Variants in TCF3 observed in about 807,000 individuals in gnomAD.
TCF3 encodes the protein transcription factor E2-alpha.
In TCF3, 54 loss-of-function variants were observed where a neutral mutation model predicts 72.3. That is an observed-to-expected ratio of 0.75 (90% confidence interval 0.60 to 0.94). The LOEUF (loss-of-function observed/expected upper bound fraction) is 0.94. Among genes scored for constraint, TCF3 ranks in the 40% least tolerant of loss-of-function variants. The pLI is 0.00. For missense variants in TCF3, 1,078 were observed against 934.4 expected, an observed-to-expected ratio of 1.15 and a Z score of -2.00; for synonymous variants, 525 against 412.6, an observed-to-expected ratio of 1.27 and a Z score of -3.30.
Position 1,615,204 on chromosome 19 carries a change from C to A in TCF3, c.1822+81G>T, listed in dbSNP as rs903018634. Reference sequence around the variant, plus strand: ...AGAGGGAGGGCTGGCTCCAGGAAGGCGGGCGGGGAAGGAGAACGAGGGCAG... The same window carrying A: ...AGAGGGAGGGCTGGCTCCAGGAAGGAGGGCGGGGAAGGAGAACGAGGGCAG... On this transcript the variant is annotated intron_variant, in intron 18 of 18. Transcript: ENST00000262965. This position sits in a 1 kb window ranked among gnomAD's most constrained non-coding sequence, Gnocchi z 7.3. 4 of 1,477,170 alleles carry A rather than the reference C, an allele frequency of 2.7e-6. No homozygotes were observed. The African/African-American group carries it at 4.2e-5, about 16-fold the overall frequency. 91.5% of individuals were successfully genotyped at this position (1,477,170 alleles called of 1,614,324 possible).
intron 14 of TCF3, 84 bp from the exon 15 acceptor site, chr19:1,619,558 G>A (rs897986110): frequency 2.0e-6 from 3 of 1,486,490 alleles, no homozygotes; most frequent in African/African-American, 2.8e-5. Context: ...GCATGCAAGT[G>A]GCCGGTGGTC....
intron 6 of TCF3, among the ~76,000 whole-genome samples, chr19:1,626,364 C>A (rs373127491): frequency 6.6e-6 from 1 of 152,046 alleles, no homozygotes; most frequent in Non-Finnish European, 1.5e-5. Context: ...GCAGGAGAAT[C>A]GCTTGAACCC....
At chr19:1,633,095 G>A (rs544843398) in intron 3 of TCF3, among the ~76,000 whole-genome samples, 129 of 152,218 alleles carry the variant, frequency 8.5e-4, no homozygotes, top group Middle Eastern at 6.8e-3. Context: ...GTCCCGGGGC[G>A]GGGCGGGCGG....
chr19:1,632,311 A>G (rs1385857905), intron 4 of TCF3, 21 bp downstream of exon 4: 1 of 1,571,782 alleles, frequency 6.4e-7, no homozygotes, highest in Admixed American at 1.9e-5. Flanking sequence ...TCAGGGTCTC[A>G]GGCCTCACGG....
At chr19:1,629,294 G>A (rs2063394822) in intron 5 of TCF3, among the ~76,000 whole-genome samples, 1 of 151,454 alleles carries the variant, frequency 6.6e-6, no homozygotes, top group African/African-American at 2.5e-5. Flanking sequence ...GGAGCCCCGG[G>A]GCCTGTGCAC....
In TCF3 at chr19:1,641,309, C is replaced by A. The variant is rs140610608; in HGVS notation, c.145+5046G>T. Among the ~76,000 whole-genome samples the A allele has an allele frequency of 4.7e-3, 719 of 152,072 alleles. 10 individuals carry two copies. Among genetic ancestry groups the A allele is most frequent in the African/African-American group, 0.016 (667 of 41,452 alleles). ...GTTGCAAACTATAGGATTCCATTTACACAAAATACTCAAAGTGAAAAATTG... is the reference window on the plus strand; with the variant it reads ...GTTGCAAACTATAGGATTCCATTTAAACAAAATACTCAAAGTGAAAAATTG... On this transcript the variant is annotated intron_variant, in intron 3 of 18. Transcript: ENST00000262965.
In TCF3 at chr19:1,646,425, C is replaced by T; in HGVS notation, c.75G>A (p.Met25Ile). 6.5e-7 allele frequency: 1 copy of T among 1,549,736 alleles called. No homozygotes were observed. The highest frequency in any genetic ancestry group is 8.7e-7 in the Non-Finnish European group (1 of 1,146,384). ...ELSDLLDFSM[M>I]FPLPVTNGKG... Reference sequence around the variant, plus strand: ...TCCCGTTGGTGACAGGCAGCGGGAACATCTGCAGGGAGGGGAGGGGAGACG... The same window carrying T: ...TCCCGTTGGTGACAGGCAGCGGGAATATCTGCAGGGAGGGGAGGGGAGACG... Residue 25 changes from methionine to isoleucine, a missense_variant and splice_region_variant, in exon 3 of 19, where the codon ATG becomes ATA. Coordinates refer to ENST00000262965, the MANE Select transcript of TCF3 (RefSeq NM_003200.5).
rs1370471415 is a variant in TCF3 at position 1,615,164 on chromosome 19, G to A, written c.1822+121C>T. 1.6e-6 allele frequency: 2 copies of A among 1,217,422 alleles called. No individual in the cohort carries two copies. The highest frequency in any genetic ancestry group is 5.1e-5 in the East Asian group (2 of 39,298). 75.4% of individuals were successfully genotyped at this position (1,217,422 alleles called of 1,614,324 possible). A position where few individuals can be genotyped will look rare whatever the true frequency, so the allele number is the denominator to read the frequency against. ...GGGGTGAAGGGCACAGTCACTGCAA[G>A]GAGGCAACTGCTGCAGAGGGAGGGC... is the stretch of plus-strand genomic sequence containing the variant. On this transcript the variant is annotated intron_variant, in intron 18 of 18. Coordinates refer to ENST00000262965, the MANE Select transcript of TCF3 (RefSeq NM_003200.5). The surrounding 1 kb of genome is among the most constrained non-coding windows in gnomAD (Gnocchi z 7.3).
At chr19:1,648,994 C>T (rs1369528233) in intron 2 of TCF3, among the ~76,000 whole-genome samples, 2 of 152,236 alleles carry the variant, frequency 1.3e-5, no homozygotes, top group African/African-American at 4.8e-5. Context: ...GGGGCTCCGG[C>T]ATTCCAGCCT....
chr19:1,629,608 C>G (rs2063450557), intron 5 of TCF3, among the ~76,000 whole-genome samples: 1 of 152,074 alleles, frequency 6.6e-6, no homozygotes, highest in Non-Finnish European at 1.5e-5. Flanking sequence ...TGTGGAGGGC[C>G]TGGGGCTGAT....
In TCF3 at chr19:1,615,415, G is replaced by A. The variant is rs1052775; in HGVS notation, c.1692C>T (p.Asp564=). 2 of 1,613,976 alleles carry A rather than the reference G, an allele frequency of 1.2e-6. No individual in the cohort carries two copies. Among genetic ancestry groups the A allele is most frequent in the Non-Finnish European group, 8.5e-7 (1 of 1,179,996 alleles). The part of the protein sequence containing the change: ...NNARERLRVR[D]INEAFKELGR... The stretch of plus-strand genomic sequence containing the variant: ...CCAGCTCCTTAAAGGCCTCGTTGAT[G>A]TCACGGACCCGCAGCCGCTCCCGGG... Residue 564 remains aspartate, a synonymous_variant, in exon 18 of 19, where the codon GAC becomes GAT. Transcript: ENST00000262965. The surrounding 1 kb of genome is among the most constrained non-coding windows in gnomAD (Gnocchi z 7.3).
At chr19:1,644,518 T>C (rs1207413868) in intron 3 of TCF3, among the ~76,000 whole-genome samples, 4 of 152,124 alleles carry the variant, frequency 2.6e-5, no homozygotes, top group Non-Finnish European at 5.9e-5. Flanking sequence ...GCCTCCGCCC[T>C]AACGTGTGAG....
At chr19:1,644,776 C>CG (rs1278892486) in intron 3 of TCF3, among the ~76,000 whole-genome samples, 2 of 152,088 alleles carry the variant, frequency 1.3e-5, no homozygotes, top group Non-Finnish European at 2.9e-5. Context: ...GGGTGAGAGG[C>CG]GACAGGGGAC....
Position 1,619,796 on chromosome 19 carries a change from C to G in TCF3, c.1151G>C (p.Gly384Ala), listed in dbSNP as rs746978046. 6.4e-7 allele frequency: 1 copy of G among 1,560,164 alleles called. No individual in the cohort carries two copies. Among genetic ancestry groups the G allele is most frequent in the African/African-American group, 1.4e-5 (1 of 73,552 alleles). ...APGALSPSYD[G>A]GLHGLQSKIE... ...GGCACTCACCAGGCCGTGGAGACCCCCGTCGTAGCTGGGCGATAAGGCACC... is the reference window on the plus strand; with the variant it reads ...GGCACTCACCAGGCCGTGGAGACCCGCGTCGTAGCTGGGCGATAAGGCACC... The change falls in exon 14 of 19, where the codon GGG becomes GCG. Residue 384 changes from glycine (G) to alanine (A), a missense_variant. Transcript: ENST00000262965.
intron 2 of TCF3, among the ~76,000 whole-genome samples, chr19:1,646,908 TGCA>T (rs1653268563): frequency 6.6e-6 from 1 of 152,242 alleles, no homozygotes; most frequent in South Asian, 2.1e-4. Flanking sequence ...TTCCTGTGTG[TGCA>T]CTGGCCCCGC....
rs201242309 is a variant in TCF3, at chr19:1,619,798, G to A, written c.1149C>T (p.Asp383=). 9.2e-5 allele frequency: 144 copies of A among 1,561,718 alleles called. No individual in the cohort carries two copies. Among genetic ancestry groups the A allele is most frequent in the East Asian group, 5.3e-4 (22 of 41,550 alleles). The change falls in exon 14 of 19, where the codon GAC becomes GAT. Residue 383 remains aspartate, a synonymous_variant. Coordinates refer to ENST00000262965, the MANE Select transcript of TCF3 (RefSeq NM_003200.5). ...CACTCACCAGGCCGTGGAGACCCCC[G>A]TCGTAGCTGGGCGATAAGGCACCGG... ...GAPGALSPSY[D]GGLHGLQSKI...
At chr19:1,642,199 C>T (rs1274524900) in intron 3 of TCF3, among the ~76,000 whole-genome samples, 1 of 115,660 alleles carries the variant, frequency 8.6e-6, no homozygotes, top group Non-Finnish European at 2.0e-5. Context: ...GACACAGACG[C>T]AGACACGCAC....
intron 3 of TCF3, among the ~76,000 whole-genome samples, chr19:1,640,833 T>C (rs964894523): frequency 6.8e-6 from 1 of 147,362 alleles, no homozygotes; most frequent in Non-Finnish European, 1.5e-5. Context: ...TGTAAATTGT[T>C]GTATTACTGA....
intron 16 of TCF3, among the ~76,000 whole-genome samples, chr19:1,618,030 C>T (rs2061730316): frequency 6.6e-6 from 1 of 152,142 alleles, no homozygotes; most frequent in Non-Finnish European, 1.5e-5. Flanking sequence ...GGCACAGGGC[C>T]AGGACAGCGC....
Sources: allele counts gnomAD v4.1 joint callset (sites outside exome capture counted in the v4.1 genomes callset), GRCh38; gene constraint gnomAD v4.1.1; non-coding constraint Gnocchi (gnomAD v3.1); transcripts MANE v1.5; gene names NCBI Gene and HGNC (gene_info 2026-07-23, HGNC 2026-07-21).